The following AR variants were observed in gnomAD, a reference collection of about 807,000 sequenced individuals.
AR encodes androgen receptor, also known as dihydrotestosterone receptor.
In AR, 8 loss-of-function variants were observed where a neutral mutation model predicts 53.9. The observed-to-expected ratio is 0.15, with a 90% CI of 0.09 to 0.27. AR has a LOEUF of 0.27. Ranked by LOEUF, AR falls within the 10% of genes least tolerant of loss-of-function variation. The pLI is 1.00. For missense variants in AR, 639 were observed against 742.5 expected, an observed-to-expected ratio of 0.86 and a Z score of 1.62; for synonymous variants, 359 against 316.4, an observed-to-expected ratio of 1.13 and a Z score of -1.43.
At chrX:67,561,267 A>G (rs1469922061) in intron 1 of AR, among the ~76,000 whole-genome samples, 1 of 112,062 alleles carries the variant, frequency 8.9e-6, no homozygotes, top group African/African-American at 3.2e-5. Context: ...AATGATTCAG[A>G]GTCAATAGTA....
chrX:67,708,998 G>A (rs950373946), intron 3 of AR, among the ~76,000 whole-genome samples: 2 of 111,677 alleles, frequency 1.8e-5, no homozygotes, highest in African/African-American at 6.5e-5. Flanking sequence ...CATTCTTCTG[G>A]AAGTTTCGTC....
intron 1 of AR, among the ~76,000 whole-genome samples, chrX:67,551,561 C>CA (rs1462756811): frequency 6.3e-5 from 7 of 111,373 alleles, no homozygotes; most frequent in Admixed American, 4.8e-4. Context: ...AGCATTCTTC[C>CA]AAAAAAAGAG....
intron 2 of AR, among the ~76,000 whole-genome samples, chrX:67,660,425 T>G (rs1396774672): frequency 1.8e-5 from 2 of 112,033 alleles, no homozygotes; most frequent in East Asian, 2.8e-4. Context: ...TTCAGCTGTC[T>G]ACATATGGCT....
In AR at chrX:67,643,306, C is replaced by T. The variant is rs2147436102; in HGVS notation, c.1667C>T (p.Pro556Leu). 8.3e-7 allele frequency: 1 copy of T among 1,211,266 alleles called. No homozygotes were observed. The highest frequency in any genetic ancestry group is 1.1e-6 in the Non-Finnish European group (1 of 895,274). The change falls in exon 2 of 8, where the codon CCC becomes CTC. Residue 556 changes from proline (P) to leucine (L), a missense_variant. By Grantham distance (98) the Pro-to-Leu change is moderately conservative. Transcript: ENST00000374690. ...HVLPIDYYFP[P>L]QKTCLICGDE... The stretch of plus-strand genomic sequence containing the variant: ...TTGCCCATTGACTATTACTTTCCAC[C>T]CCAGAAGACCTGCCTGATCTGTGGA...
intron 1 of AR, among the ~76,000 whole-genome samples, chrX:67,604,198 ATGTGTGTGTGTGTGTGTG>A (rs72092334): frequency 7.7e-5 from 6 of 78,151 alleles, no homozygotes; most frequent in East Asian, 4.6e-4. Context: ...GGGGAGAAAT[ATGTGTGTGTGTGTGTGTG>A]TGTGTGTGTG....
intron 1 of AR, among the ~76,000 whole-genome samples, chrX:67,598,055 C>A (rs1923162283): frequency 9.0e-6 from 1 of 111,307 alleles, no homozygotes; most frequent in Non-Finnish European, 1.9e-5. Flanking sequence ...TCAGGTTATT[C>A]ATCTTTGAAA....
chrX:67,674,694 G>A (rs1453639795), intron 2 of AR, among the ~76,000 whole-genome samples: 1 of 111,144 alleles, frequency 9.0e-6, no homozygotes, highest in Non-Finnish European at 1.9e-5. Context: ...TCCCTTCAAG[G>A]AAGTGGGCTC....
chrX:67,630,331 G>T (rs1253580216), intron 1 of AR, among the ~76,000 whole-genome samples: 1 of 111,447 alleles, frequency 9.0e-6, no homozygotes, highest in African/African-American at 3.3e-5. Context: ...CCTGTATTGG[G>T]TGCATATATA....
intron 2 of AR, among the ~76,000 whole-genome samples, chrX:67,663,117 C>T (rs1367245343): frequency 9.0e-6 from 1 of 111,569 alleles, no homozygotes; most frequent in Admixed American, 9.5e-5. Flanking sequence ...GCATTTAGCC[C>T]ATTTACATTT....
intron 1 of AR, among the ~76,000 whole-genome samples, chrX:67,584,099 TA>T (rs1922415145): frequency 8.9e-6 from 1 of 112,193 alleles, no homozygotes; most frequent in Non-Finnish European, 1.9e-5. Flanking sequence ...GGATGTTCAT[TA>T]ACTCTATAGC....
intron 1 of AR, among the ~76,000 whole-genome samples, chrX:67,561,656 T>C (rs1408580942): frequency 9.0e-6 from 1 of 111,341 alleles, no homozygotes; most frequent in African/African-American, 3.3e-5. Flanking sequence ...CAAGGGACTA[T>C]TATATGGGAC....
At chrX:67,560,059 A>G (rs1251713555) in intron 1 of AR, among the ~76,000 whole-genome samples, 1 of 111,777 alleles carries the variant, frequency 8.9e-6, no homozygotes, top group African/African-American at 3.3e-5. Context: ...TTCATATGGT[A>G]TGTAGTTTGC....
chrX:67,672,886 A>T (rs2075874624), intron 2 of AR, among the ~76,000 whole-genome samples: 1 of 111,671 alleles, frequency 9.0e-6, no homozygotes, highest in Non-Finnish European at 1.9e-5. Flanking sequence ...GCTCACTAAC[A>T]TCCTATTCTT....
At chrX:67,561,818 T>G (rs1250702854) in intron 1 of AR, among the ~76,000 whole-genome samples, 1 of 111,195 alleles carries the variant, frequency 9.0e-6, no homozygotes, top group East Asian at 2.8e-4. Context: ...ATAACTATTG[T>G]TTCAACGTAC....
chrX:67,578,865 T>G (rs964842549), intron 1 of AR, among the ~76,000 whole-genome samples: 2 of 112,105 alleles, frequency 1.8e-5, no homozygotes, highest in African/African-American at 6.5e-5. Context: ...TAATAATTAT[T>G]GATAGTTTCT....
At position 67,652,716 on chromosome X, in the gene AR, C is replaced by T. The variant is rs1014427256; in HGVS notation, c.1768+9309C>T. Among the ~76,000 whole-genome samples, 44 of 111,696 alleles carry T rather than the reference C, an allele frequency of 3.9e-4. 1 individual carries two copies. Among genetic ancestry groups the T allele is most frequent in the African/African-American group, 1.4e-3 (44 of 30,756 alleles). On this transcript the variant is annotated intron_variant, in intron 2 of 7. Transcript: ENST00000374690. ...AGTAAGCATTTATGGCCCTTGGTTC[C>T]TAGAAGGAGCTTAGTCCCTGATAGT...
intron 1 of AR, among the ~76,000 whole-genome samples, chrX:67,620,384 G>T (rs16989058): frequency 0.065 from 7,108 of 108,855 alleles, 608 homozygotes; most frequent in African/African-American, 0.23. Flanking sequence ...GAGCTCACTG[G>T]ACTGAAAGTC....
At chrX:67,657,941 A>G (rs900754884) in intron 2 of AR, among the ~76,000 whole-genome samples, 2 of 111,663 alleles carry the variant, frequency 1.8e-5, no homozygotes, top group Non-Finnish European at 3.8e-5. Flanking sequence ...TTGGGATTGG[A>G]GCATGTCTAT....
intron 2 of AR, among the ~76,000 whole-genome samples, chrX:67,683,954 A>G (rs917208459): frequency 5.4e-5 from 6 of 111,741 alleles, no homozygotes; most frequent in Admixed American, 4.8e-4. Flanking sequence ...GGCAATCTAG[A>G]ACTATTATGG....
Sources: gnomAD v4.1 joint callset for allele counts (sites outside exome capture counted in the v4.1 genomes callset) on GRCh38, gnomAD v4.1.1 for gene constraint, MANE v1.5 for transcripts, NCBI Gene and HGNC (gene_info 2026-07-23, HGNC 2026-07-21) for gene names.